The following NDUFB2 variants were observed in gnomAD, a reference collection of about 807,000 sequenced individuals.
NDUFB2 encodes the protein NADH dehydrogenase [ubiquinone] 1 beta subcomplex subunit 2, mitochondrial.
A neutral mutation model predicts 13.4 loss-of-function variants in NDUFB2; 13 were observed. The ratio of observed to expected loss-of-function variants is 0.97; its 90% confidence interval spans 0.63 to 1.54. The LOEUF (loss-of-function observed/expected upper bound fraction) is 1.54. Among genes scored for constraint, NDUFB2 ranks in the 40% most tolerant of loss-of-function variants. The pLI is 0.00. For synonymous variants in NDUFB2, 47 were observed against 50.6 expected, an observed-to-expected ratio of 0.93 and a Z score of 0.30; for missense variants, 150 against 139.7, an observed-to-expected ratio of 1.07 and a Z score of -0.37.
intron 3 of NDUFB2, chr7:140,706,075 G>A (rs1223250916): frequency 6.9e-6 from 1 of 144,494 alleles, no homozygotes; most frequent in Non-Finnish European, 1.5e-5. Flanking sequence ...GTTATGTTAT[G>A]TTATGTTATG....
intron 1 of NDUFB2, among the ~76,000 whole-genome samples, chr7:140,701,662 G>T (rs944568750): frequency 8.6e-5 from 13 of 152,006 alleles, no homozygotes; most frequent in African/African-American, 3.1e-4. Flanking sequence ...AGCCGGGCAC[G>T]TGGCTCACGC....
At chr7:140,705,422 G>A (rs190539051) in intron 3 of NDUFB2, 244 of 152,184 alleles carry the variant, frequency 1.6e-3, no homozygotes, top group Non-Finnish European at 2.4e-3. Context: ...TCTGCCTTAA[G>A]TTTTCACATT....
chr7:140,697,117 C>T lies in NDUFB2; in HGVS notation c.98+275C>T. The T allele has an allele frequency of 1.0e-5, 6 of 587,406 alleles. No homozygotes were observed. The South Asian group carries it at 1.2e-4, about 12-fold the overall frequency. The allele number at this position is 587,406 out of a possible 1,614,324, so 36.4% of individuals were successfully genotyped here. On this transcript the variant is annotated intron_variant, in intron 1 of 3. Transcript: ENST00000247866. ...CCCTCGGGAGACGCACGCGTGAATG[C>T]GGAGCGGGCTGAGCCAGTCGGCGCC...
intron 2 of NDUFB2, among the ~76,000 whole-genome samples, chr7:140,704,034 C>A (rs181059337): frequency 6.6e-6 from 1 of 152,312 alleles, no homozygotes; most frequent in African/African-American, 2.4e-5. Flanking sequence ...GGATTACAGG[C>A]GTGAGCCACT....
At chr7:140,705,007 C>A in intron 3 of NDUFB2, 44 bp downstream of exon 3, 1 of 1,100,542 alleles carries the variant, frequency 9.1e-7, no homozygotes. Flanking sequence ...TACCTTTTTT[C>A]ATAAACATTA....
At chr7:140,701,973 T>C in intron 1 of NDUFB2, 1 of 687,180 alleles carries the variant, frequency 1.5e-6, no homozygotes, top group South Asian at 1.5e-5. Flanking sequence ...CTAGCTAACA[T>C]GTATCAAGAA....
chr7:140,700,851 G>A (rs1395820655), intron 1 of NDUFB2: 1 of 151,690 alleles, frequency 6.6e-6, no homozygotes, highest in African/African-American at 2.4e-5. Context: ...TTTACATAAT[G>A]TAATATCTAT....
chr7:140,703,281 T>C (rs1292093600), intron 2 of NDUFB2, among the ~76,000 whole-genome samples: 1 of 150,554 alleles, frequency 6.6e-6, no homozygotes, highest in African/African-American at 2.4e-5. Flanking sequence ...TCATTTTTTT[T>C]TTTTTTTTTT....
intron 2 of NDUFB2, among the ~76,000 whole-genome samples, 171 bp downstream of exon 2, chr7:140,703,181 C>T (rs1392473071): frequency 6.6e-6 from 1 of 151,662 alleles, no homozygotes; most frequent in Non-Finnish European, 1.5e-5. Flanking sequence ...AACATGTTAT[C>T]TTCTCACCTT....
Position 140,706,059 on chromosome 7 carries a change from T to TG in NDUFB2, c.*30-504_*30-503insG, listed in dbSNP as rs1491186022. On this transcript the variant is annotated intron_variant, in intron 3 of 3. Transcript: ENST00000247866. ...TTATGTTATGTTATGTTATGTTATG[T>TG]TTTATGTTATGTTATGTTATGTTAT... The TG allele has an allele frequency of 1.8e-4, 15 of 83,154 alleles. 1 individual carries two copies. The highest frequency in any genetic ancestry group is 1.3e-3 in the East Asian group (5 of 4,000). 5.2% of individuals were successfully genotyped at this position (83,154 alleles called of 1,614,324 possible).
intron 1 of NDUFB2, among the ~76,000 whole-genome samples, chr7:140,699,016 G>A (rs1794859805): frequency 6.6e-6 from 1 of 152,044 alleles, no homozygotes; most frequent in South Asian, 2.1e-4. Flanking sequence ...AAATTAGCTG[G>A]GCATGGTAGT....
chr7:140,701,027 ACC>A lies in NDUFB2; in HGVS notation c.99-1838_99-1837del, dbSNP rs1446729430. On this transcript the variant is annotated intron_variant, in intron 1 of 3. Coordinates refer to ENST00000247866, the MANE Select transcript of NDUFB2 (RefSeq NM_004546.3). ...CACACATCTGCAAAAACTAAAAATC[ACC>A]TTATTCATAATTAGTTATTAATACC... 4.6e-5 allele frequency: 7 copies of A among 152,302 alleles called. No individual in the cohort carries two copies. The East Asian group carries it at 9.6e-4, about 21-fold the overall frequency. 9.4% of individuals were successfully genotyped at this position (152,302 alleles called of 1,614,324 possible). A position where few individuals can be genotyped will look rare whatever the true frequency, so the allele number is the denominator to read the frequency against.
intron 1 of NDUFB2, among the ~76,000 whole-genome samples, chr7:140,699,277 A>G (rs1274799933): frequency 6.6e-6 from 1 of 152,160 alleles, no homozygotes; most frequent in African/African-American, 2.4e-5. Flanking sequence ...TTTCTTCCCC[A>G]TTCTCTTTCC....
chr7:140,698,916 G>A (rs1003075626), intron 1 of NDUFB2, among the ~76,000 whole-genome samples: 8 of 152,226 alleles, frequency 5.3e-5, no homozygotes, highest in African/African-American at 1.9e-4. Flanking sequence ...CCAGCACTTT[G>A]AGAGGCTGAG....
Position 140,697,027 on chromosome 7 carries a change from G to A in NDUFB2, c.98+185G>A, listed in dbSNP as rs1032391500. 13 of 619,550 alleles carry A rather than the reference G, an allele frequency of 2.1e-5. No homozygotes were observed. The Admixed American group carries it at 3.7e-4, about 17-fold the overall frequency. The allele number at this position is 619,550 out of a possible 1,614,324, so 38.4% of individuals were successfully genotyped here. On this transcript the variant is annotated intron_variant, in intron 1 of 3. Coordinates refer to ENST00000247866, the MANE Select transcript of NDUFB2 (RefSeq NM_004546.3). The stretch of plus-strand genomic sequence containing the variant: ...GGGACCCCGCTGGCCGGAGGGAGAG[G>A]GAGAGACTTCGCTGGGCAGATGGGA...
At chr7:140,701,938 A>G in intron 1 of NDUFB2, 3 of 636,526 alleles carry the variant, frequency 4.7e-6, no homozygotes, top group Non-Finnish European at 8.6e-6. Flanking sequence ...TCTCGCAAAC[A>G]AACAAACAAA....
rs1307362993 is a variant in NDUFB2 at position 140,704,911 on chromosome 7, A to T, written c.295A>T (p.Ile99Phe). 6.2e-7 allele frequency: 1 copy of T among 1,604,614 alleles called. No homozygotes were observed. Among genetic ancestry groups the T allele is most frequent in the East Asian group, 2.3e-5 (1 of 44,436 alleles). The change falls in exon 3 of 4, where the codon ATC becomes TTC. Residue 99 changes from isoleucine to phenylalanine, a missense_variant. Physicochemically the swap from Ile to Phe is conservative, Grantham distance 21. Coordinates refer to ENST00000247866, the MANE Select transcript of NDUFB2 (RefSeq NM_004546.3). ...CCAGTGGACAGATGAAGAATTAGGT[A>T]TCCCTCCTGATGATGAAGACTGAAG... ...PSQWTDEELG[I>F]PPDDED
intron 2 of NDUFB2, among the ~76,000 whole-genome samples, chr7:140,703,946 G>A (rs772509337): frequency 1.3e-5 from 2 of 151,874 alleles, no homozygotes; most frequent in African/African-American, 4.8e-5. Context: ...TAGTAGAGAC[G>A]GGGTTTCACC....
At chr7:140,699,569 TG>T (rs945916120) in intron 1 of NDUFB2, among the ~76,000 whole-genome samples, 22 of 152,152 alleles carry the variant, frequency 1.4e-4, no homozygotes, top group African/African-American at 5.3e-4. Flanking sequence ...TTTTACCATA[TG>T]GGGTTGCAGC....
Sources: allele counts gnomAD v4.1 joint callset (sites outside exome capture counted in the v4.1 genomes callset), GRCh38; gene constraint gnomAD v4.1.1; transcripts MANE v1.5; gene names NCBI Gene and HGNC (gene_info 2026-07-23, HGNC 2026-07-21).